The following GRM8 variants were observed in gnomAD, a reference collection of about 807,000 sequenced individuals.
GRM8 encodes glutamate metabotropic receptor 8, also known as metabotropic glutamate receptor 8.
GRM8 carries 47 observed loss-of-function variants against 87.2 expected under a neutral mutation model. The ratio of observed to expected loss-of-function variants is 0.54; its 90% confidence interval spans 0.43 to 0.69. The LOEUF (loss-of-function observed/expected upper bound fraction) is 0.69. Among genes scored for constraint, GRM8 ranks in the 30% least tolerant of loss-of-function variants. The pLI, the probability that GRM8 is intolerant of heterozygous loss-of-function variation, is 0.00. For synonymous variants in GRM8, 396 were observed against 404.5 expected, an observed-to-expected ratio of 0.98 and a Z score of 0.25; for missense variants, 1,019 against 1,139.2, an observed-to-expected ratio of 0.89 and a Z score of 1.52.
At chr7:126,665,367 T>C (rs1431317887) in intron 7 of GRM8, among the ~76,000 whole-genome samples, 1 of 152,138 alleles carries the variant, frequency 6.6e-6, no homozygotes, top group Non-Finnish European at 1.5e-5. Context: ...CTATCGACAA[T>C]GGACTGGGTA....
chr7:127,052,011 TG>T (rs1460006703), intron 3 of GRM8, among the ~76,000 whole-genome samples: 2 of 152,146 alleles, frequency 1.3e-5, no homozygotes, highest in African/African-American at 4.8e-5. Flanking sequence ...AGATGTGACC[TG>T]GGGAGAAAGG....
In GRM8 at chr7:126,533,458, C is replaced by T; in HGVS notation, c.1924G>A (p.Ala642Thr). Residue 642 changes from alanine (A) to threonine (T), a missense_variant, in exon 9 of 11, where the codon GCA becomes ACA. Transcript: ENST00000339582. ...CYSITFLMIAAPDTIICSFRR... is the reference protein window; with the variant it reads ...CYSITFLMIATPDTIICSFRR... Reference sequence around the variant, plus strand: ...AAGGAGCATATGATTGTATCTGGTGCTGCAATCATTAAAAACGTGATTGAA... The same window carrying T: ...AAGGAGCATATGATTGTATCTGGTGTTGCAATCATTAAAAACGTGATTGAA... 1 of 1,613,872 alleles carries T rather than the reference C, an allele frequency of 6.2e-7. No individual in the cohort carries two copies.
chr7:127,161,511 A>G (rs1214254133), intron 2 of GRM8, among the ~76,000 whole-genome samples: 1 of 152,182 alleles, frequency 6.6e-6, no homozygotes, highest in Admixed American at 6.5e-5. Context: ...AAGCAATTGC[A>G]GGGGGCTGAT....
intron 8 of GRM8, among the ~76,000 whole-genome samples, chr7:126,557,425 G>C (rs1793272105): frequency 6.6e-6 from 1 of 152,128 alleles, no homozygotes; most frequent in Non-Finnish European, 1.5e-5. Flanking sequence ...CACCAGCACA[G>C]GGCACTTCTT....
Position 127,160,142 on chromosome 7 carries a change from G to A in GRM8, c.511-53430C>T, listed in dbSNP as rs552133823. On this transcript the variant is annotated intron_variant, in intron 2 of 10. Transcript: ENST00000339582. ...TAATCTAATACCACATAAAAGGAGA[G>A]GTAGCATATATACACCTACTTAGAT... Among the ~76,000 whole-genome samples the A allele has an allele frequency of 2.0e-5, 3 of 151,462 alleles. No individual in the cohort carries two copies. The South Asian group carries it at 6.3e-4, about 32-fold the overall frequency.
chr7:127,016,041 A>T (rs1815635391), intron 3 of GRM8, among the ~76,000 whole-genome samples: 1 of 152,104 alleles, frequency 6.6e-6, no homozygotes, highest in Non-Finnish European at 1.5e-5. Flanking sequence ...TAGATATTTG[A>T]CTTAACACTG....
intron 9 of GRM8, among the ~76,000 whole-genome samples, chr7:126,460,344 T>C (rs1351351514): frequency 4.0e-5 from 6 of 151,718 alleles, no homozygotes; most frequent in Admixed American, 4.0e-4. Context: ...ATTACACAAA[T>C]TGGCACTAAG....
intron 6 of GRM8, among the ~76,000 whole-genome samples, chr7:126,794,649 A>G (rs918012688): frequency 2.1e-4 from 32 of 152,168 alleles, no homozygotes; most frequent in Non-Finnish European, 8.8e-5. Context: ...ACAAGACCAC[A>G]ACACTAATTT....
chr7:126,899,735 TTC>T (rs1371134165), intron 6 of GRM8, among the ~76,000 whole-genome samples: 1 of 62,356 alleles, frequency 1.6e-5, no homozygotes, highest in Admixed American at 1.4e-4. Flanking sequence ...TAGTTATCCC[TTC>T]TTTTTTTTTT....
intron 6 of GRM8, among the ~76,000 whole-genome samples, chr7:126,815,852 A>G (rs1200850065): frequency 6.6e-6 from 1 of 152,140 alleles, no homozygotes; most frequent in Non-Finnish European, 1.5e-5. Context: ...GATAGCCATG[A>G]TGATAACACA....
chr7:127,204,836 G>A (rs879846670), intron 2 of GRM8, among the ~76,000 whole-genome samples: 9 of 152,118 alleles, frequency 5.9e-5, no homozygotes, highest in Non-Finnish European at 1.2e-4. Context: ...AAATGAAAAG[G>A]CATGGAGAAG....
At chr7:126,513,425 T>C (rs970633787) in intron 9 of GRM8, among the ~76,000 whole-genome samples, 3 of 152,122 alleles carry the variant, frequency 2.0e-5, no homozygotes. Context: ...AGCTTTCATT[T>C]CCATCACTGG....
intron 3 of GRM8, among the ~76,000 whole-genome samples, chr7:127,017,260 T>G (rs571527151): frequency 6.6e-6 from 1 of 152,174 alleles, no homozygotes; most frequent in East Asian, 1.9e-4. Context: ...TACTACAAAG[T>G]AATCCCAAAT....
chr7:127,033,009 C>CTTTT (rs5887323), intron 3 of GRM8, among the ~76,000 whole-genome samples: 15 of 139,950 alleles, frequency 1.1e-4, no homozygotes, highest in African/African-American at 2.9e-4. Context: ...CTTTCGTTTC[C>CTTTT]TTTTTTTTTT....
rs1585517925 is a variant in GRM8, at chr7:126,685,886, T to C, written c.1358-76388A>G. Reference sequence around the variant, plus strand: ...CCTGAACCCTGGGGGCTGGGAGCCATTCCCGCATACCAGAAGGTGAACTCG... The same window carrying C: ...CCTGAACCCTGGGGGCTGGGAGCCACTCCCGCATACCAGAAGGTGAACTCG... On this transcript the variant is annotated intron_variant, in intron 7 of 10. Coordinates refer to ENST00000339582, the MANE Select transcript of GRM8 (RefSeq NM_000845.3). This position sits in a 1 kb window ranked among gnomAD's most constrained non-coding sequence, Gnocchi z 4.2. Among the ~76,000 whole-genome samples, 2 of 151,968 alleles carry C rather than the reference T, an allele frequency of 1.3e-5. No homozygotes were observed. Among genetic ancestry groups the C allele is most frequent in the African/African-American group, 4.8e-5 (2 of 41,390 alleles).
At chr7:127,126,273 T>C (rs886671499) in intron 2 of GRM8, among the ~76,000 whole-genome samples, 1 of 152,014 alleles carries the variant, frequency 6.6e-6, no homozygotes, top group Admixed American at 6.6e-5. Flanking sequence ...ATGGGGTATA[T>C]ATGGACAACA....
intron 6 of GRM8, among the ~76,000 whole-genome samples, chr7:126,792,887 C>A (rs141867698): frequency 4.1e-4 from 62 of 152,270 alleles, no homozygotes; most frequent in African/African-American, 1.3e-3. Flanking sequence ...TTCTGCACTG[C>A]CCCTCGGCTA....
At chr7:126,743,212 G>T (rs925783484) in intron 7 of GRM8, among the ~76,000 whole-genome samples, 1 of 152,104 alleles carries the variant, frequency 6.6e-6, no homozygotes, top group Non-Finnish European at 1.5e-5. Context: ...TATGTAGTAC[G>T]ATTTCAGTGA....
At chr7:126,727,417 T>C (rs1813117992) in intron 7 of GRM8, among the ~76,000 whole-genome samples, 1 of 152,088 alleles carries the variant, frequency 6.6e-6, no homozygotes. Flanking sequence ...TACATGGGAA[T>C]TTAATTAAAA....
Sources: gnomAD v4.1 joint callset for allele counts (sites outside exome capture counted in the v4.1 genomes callset) on GRCh38, gnomAD v4.1.1 for gene constraint, Gnocchi (gnomAD v3.1) non-coding constraint, MANE v1.5 for transcripts, NCBI Gene and HGNC (gene_info 2026-07-23, HGNC 2026-07-21) for gene names.